The following SOX5 variants were observed in gnomAD, a reference collection of about 807,000 sequenced individuals.
SOX5 encodes transcription factor SOX-5.
SOX5 carries 9 observed loss-of-function variants against 92.0 expected under a neutral mutation model. The observed-to-expected ratio is 0.10, with a 90% confidence interval of 0.06 to 0.17. The LOEUF (loss-of-function observed/expected upper bound fraction) is 0.17, where lower values mean the gene tolerates loss of function less well. Among genes scored for constraint, SOX5 ranks in the 10% least tolerant of loss-of-function variants. SOX5 has a pLI of 1.00. For missense variants in SOX5, 642 were observed against 944.5 expected (o/e 0.68, Z 4.20); for synonymous variants, 344 against 336.3 (o/e 1.02, Z -0.25).
At chr12:23,739,038 G>GA in intron 5 of SOX5, among the ~76,000 whole-genome samples, 1 of 152,092 alleles carries the variant, frequency 6.6e-6, no homozygotes, top group Non-Finnish European at 1.5e-5. Flanking sequence ...TAAGGGGGTG[G>GA]AAAAAAGGAG....
At chr12:24,098,556 T>C (rs1359045401) in intron 4 of SOX5, among the ~76,000 whole-genome samples, 36 of 152,150 alleles carry the variant, frequency 2.4e-4, no homozygotes, top group Admixed American at 2.4e-3. Flanking sequence ...CATTTACAAA[T>C]ATGGATTTGA....
At chr12:23,996,759 A>C (rs1472850219) in intron 4 of SOX5, among the ~76,000 whole-genome samples, 1 of 152,198 alleles carries the variant, frequency 6.6e-6, no homozygotes, top group African/African-American at 2.4e-5. Context: ...TTTATATGAA[A>C]TACAAAGAAC....
chr12:23,790,306 T>G (rs1035134922), intron 3 of SOX5, among the ~76,000 whole-genome samples: 1 of 152,210 alleles, frequency 6.6e-6, no homozygotes. Context: ...TTAAGTGTCA[T>G]GATTTGCAAA....
chr12:24,192,420 G>GT (rs5797067), intron 4 of SOX5, among the ~76,000 whole-genome samples: 37,163 of 152,100 alleles, frequency 0.24, 5,787 homozygotes, highest in African/African-American at 0.44. Flanking sequence ...GGTGCAGTGT[G>GT]TTTTCTGAAC....
intron 4 of SOX5, among the ~76,000 whole-genome samples, chr12:23,956,177 T>C (rs1946256794): frequency 6.6e-6 from 1 of 152,232 alleles, no homozygotes; most frequent in Non-Finnish European, 1.5e-5. Context: ...ACTAAGTGAA[T>C]GACAAATCTT....
intron 3 of SOX5, among the ~76,000 whole-genome samples, chr12:24,223,001 A>C (rs79393317): frequency 0.031 from 4,745 of 152,302 alleles, 229 homozygotes; most frequent in African/African-American, 0.1. Context: ...CCACTTTCAA[A>C]ACTGCAGAGT....
chr12:24,100,233 T>C lies in SOX5; in HGVS notation c.-2+113110A>G, dbSNP rs561783625. Among the ~76,000 whole-genome samples the C allele has an allele frequency of 1.2e-3, 177 of 152,236 alleles. 1 individual carries two copies. Among genetic ancestry groups the C allele is most frequent in the Admixed American group, 2.0e-3 (30 of 15,276 alleles). The stretch of plus-strand genomic sequence containing the variant: ...TGATCTCCAAATCTCCCACTATTTT[T>C]TAGGCTCCTTATTCACAGCTACAAT... On this transcript the variant is annotated intron_variant, in intron 4 of 4. Coordinates refer to the SOX5 transcript ENST00000446891.
At chr12:24,212,341 A>T in intron 4 of SOX5, 1 of 511,962 alleles carries the variant, frequency 2.0e-6, no homozygotes, top group Non-Finnish European at 3.9e-6. Flanking sequence ...GGAGTAAGTC[A>T]TTTTAATTGA....
At chr12:24,090,034 T>C (rs1478177203) in intron 4 of SOX5, among the ~76,000 whole-genome samples, 8 of 152,176 alleles carry the variant, frequency 5.3e-5, no homozygotes, top group African/African-American at 1.9e-4. Context: ...TGAACCAGTA[T>C]TCTTAAAATA....
At chr12:23,867,739 C>T (rs541308327) in intron 2 of SOX5, among the ~76,000 whole-genome samples, 3 of 151,740 alleles carry the variant, frequency 2.0e-5, no homozygotes, top group East Asian at 3.9e-4. Flanking sequence ...CACACTATGC[C>T]ACCAAAATGA....
intron 2 of SOX5, among the ~76,000 whole-genome samples, chr12:24,296,562 C>T (rs927287170): frequency 6.6e-6 from 1 of 152,152 alleles, no homozygotes; most frequent in African/African-American, 2.4e-5. Context: ...GATATTTATA[C>T]TGTAAAACTC....
chr12:23,646,542 A>G (rs989241890), intron 7 of SOX5, among the ~76,000 whole-genome samples: 2 of 152,198 alleles, frequency 1.3e-5, no homozygotes, highest in African/African-American at 4.8e-5. Context: ...ATCTCTCTGT[A>G]GCATGTGATG....
chr12:23,711,542 T>G (rs533515886), intron 6 of SOX5, among the ~76,000 whole-genome samples: 1 of 152,296 alleles, frequency 6.6e-6, no homozygotes, highest in South Asian at 2.1e-4. Flanking sequence ...ATTAATAGCC[T>G]GTTTCTAGTA....
chr12:23,998,092 T>C (rs1293279823), intron 4 of SOX5, among the ~76,000 whole-genome samples: 1 of 152,060 alleles, frequency 6.6e-6, no homozygotes, highest in African/African-American at 2.4e-5. Flanking sequence ...AATAAGCTAA[T>C]AGAAACTTTA....
chr12:24,508,130 G>C (rs1392327951), intron 1 of SOX5, among the ~76,000 whole-genome samples: 1 of 152,130 alleles, frequency 6.6e-6, no homozygotes, highest in Non-Finnish European at 1.5e-5. Flanking sequence ...TAGGATATGG[G>C]AAACTAAGCA....
chr12:24,085,432 G>A (rs1269031789), intron 4 of SOX5, among the ~76,000 whole-genome samples: 1 of 152,014 alleles, frequency 6.6e-6, no homozygotes, highest in African/African-American at 2.4e-5. Flanking sequence ...GCTAGTCAGG[G>A]GAAACATCAA....
At chr12:24,376,663 T>C (rs564438) in intron 1 of SOX5, among the ~76,000 whole-genome samples, 88,017 of 141,014 alleles carry the variant, frequency 0.62, 28,013 homozygotes, top group Middle Eastern at 0.65. Flanking sequence ...TGGCTTAATT[T>C]TCAGAATGAT....
chr12:24,145,116 A>T (rs1950944163), intron 4 of SOX5, among the ~76,000 whole-genome samples: 1 of 152,094 alleles, frequency 6.6e-6, no homozygotes, highest in African/African-American at 2.4e-5. Flanking sequence ...AACAAAAATA[A>T]AGAAATAAAA....
At chr12:24,277,590 G>A (rs975019526) in intron 2 of SOX5, among the ~76,000 whole-genome samples, 22 of 146,852 alleles carry the variant, frequency 1.5e-4, no homozygotes, top group Non-Finnish European at 3.0e-4. Flanking sequence ...ATATTTAAAT[G>A]TAAATTTACA....
Sources: allele counts gnomAD v4.1 joint callset (sites outside exome capture counted in the v4.1 genomes callset), GRCh38; gene constraint gnomAD v4.1.1; transcripts MANE v1.5; gene names NCBI Gene and HGNC (gene_info 2026-07-23, HGNC 2026-07-21).